The following AGBL1 variants were observed in gnomAD, a reference collection of about 807,000 sequenced individuals.
The protein encoded by AGBL1 is cytosolic carboxypeptidase 4.
Under a neutral mutation model 118.9 loss-of-function variants are expected in AGBL1, and 130 were observed. That is an observed-to-expected ratio of 1.09 (90% CI 0.95 to 1.26). AGBL1 has a LOEUF of 1.26. AGBL1 is among the 50% of genes most tolerant of loss of function. AGBL1 has a pLI of 0.00. For synonymous variants in AGBL1, 555 were observed against 478.9 expected, an observed-to-expected ratio of 1.16 and a Z score of -2.08; for missense variants, 1,584 against 1,298.1, an observed-to-expected ratio of 1.22 and a Z score of -3.38.
chr15:86,116,004 A>C (rs143149396), intron 1 of AGBL1, among the ~76,000 whole-genome samples: 18 of 152,316 alleles, frequency 1.2e-4, no homozygotes, highest in Admixed American at 1.3e-4. Flanking sequence ...CACTTTTCCA[A>C]CTAAAATTCT....
At chr15:86,974,649 A>C (rs968459974) in intron 23 of AGBL1, among the ~76,000 whole-genome samples, 1 of 147,704 alleles carries the variant, frequency 6.8e-6, no homozygotes, top group Non-Finnish European at 1.5e-5. Context: ...TCTGCAAAAA[A>C]AGATGAGAAG....
chr15:86,553,148 A>G (rs1331928345), intron 20 of AGBL1, among the ~76,000 whole-genome samples: 1 of 152,144 alleles, frequency 6.6e-6, no homozygotes. Context: ...AGGCTTCACT[A>G]TTGTCTAATG....
intron 22 of AGBL1, among the ~76,000 whole-genome samples, chr15:86,704,200 A>G (rs1428698077): frequency 6.6e-6 from 1 of 152,220 alleles, no homozygotes; most frequent in East Asian, 1.9e-4. Flanking sequence ...AAGAAAACCT[A>G]GGCAATACCA....
At chr15:86,279,128 G>A (rs2079305807) in intron 15 of AGBL1, among the ~76,000 whole-genome samples, 1 of 152,178 alleles carries the variant, frequency 6.6e-6, no homozygotes, top group Non-Finnish European at 1.5e-5. Flanking sequence ...AATAACATAA[G>A]ATGACATATG....
intron 22 of AGBL1, among the ~76,000 whole-genome samples, chr15:86,796,570 G>T (rs1370171856): frequency 6.6e-6 from 1 of 152,214 alleles, no homozygotes; most frequent in African/African-American, 2.4e-5. Context: ...GAGTTCTACA[G>T]TCATTCTTGC....
chr15:86,393,078 G>A (rs1368892804), intron 17 of AGBL1, among the ~76,000 whole-genome samples: 4 of 152,148 alleles, frequency 2.6e-5, no homozygotes, highest in Non-Finnish European at 5.9e-5. Context: ...GGGGAAGAGA[G>A]GAAAGCCAAC....
intron 24 of AGBL1, among the ~76,000 whole-genome samples, chr15:87,002,954 A>G (rs889871895): frequency 6.6e-6 from 1 of 152,070 alleles, no homozygotes; most frequent in Non-Finnish European, 1.5e-5. Context: ...TCTTTTCCTA[A>G]TTAATACCCT....
In AGBL1 at chr15:86,912,316, T is replaced by A. The variant is rs74027167; in HGVS notation, c.*5022T>A. 0.13 allele frequency: 19,986 copies of A among 152,046 alleles called. 1,740 individuals are homozygous for A. Among genetic ancestry groups the A allele is most frequent in the African/African-American group, 0.25 (10,397 of 41,432 alleles). 9.4% of individuals were successfully genotyped at this position (152,046 alleles called of 1,614,324 possible). On this transcript the variant is annotated 3_prime_UTR_variant, in exon 23 of 23. Coordinates refer to ENST00000614907, the MANE Select transcript of AGBL1 (RefSeq NM_001386094.1). Reference sequence around the variant, plus strand: ...GTTGTGCAAATGCTTAGAGTGGTGATAATGGAGGGGTGGCATCTCCAAGGG... The same window carrying A: ...GTTGTGCAAATGCTTAGAGTGGTGAAAATGGAGGGGTGGCATCTCCAAGGG...
chr15:86,456,646 G>T (rs969897626), intron 18 of AGBL1, among the ~76,000 whole-genome samples: 2 of 152,214 alleles, frequency 1.3e-5, no homozygotes, highest in South Asian at 4.1e-4. Context: ...AAGTTCAGAA[G>T]AGGTCTGATA....
rs1177376683 is a variant in AGBL1, at chr15:86,295,352, T to C, written c.2318T>C (p.Leu773Ser). The change falls in exon 17 of 23, where the codon TTG becomes TCG. Residue 773 changes from leucine to serine, a missense_variant. Coordinates refer to ENST00000614907, the MANE Select transcript of AGBL1 (RefSeq NM_001386094.1). ...CQTLGGNPCP[L>S]VTITAMPESN... The stretch of plus-strand genomic sequence containing the variant: ...ACGCTGGGAGGGAATCCGTGTCCCT[T>C]GGTGACCATCACGGCCATGCCTGAG... 6.2e-7 allele frequency: 1 copy of C among 1,612,238 alleles called. No individual in the cohort carries two copies. Among genetic ancestry groups the C allele is most frequent in the African/African-American group, 1.3e-5 (1 of 74,766 alleles).
chr15:86,251,538 A>G (rs527558955), intron 7 of AGBL1, among the ~76,000 whole-genome samples: 14 of 152,182 alleles, frequency 9.2e-5, no homozygotes, highest in Middle Eastern at 3.2e-3. Flanking sequence ...AATGAGACTG[A>G]CTGTAAAGGA....
At chr15:86,982,219 G>A (rs1481585849) in intron 23 of AGBL1, among the ~76,000 whole-genome samples, 3 of 151,932 alleles carry the variant, frequency 2.0e-5, no homozygotes, top group Non-Finnish European at 4.4e-5. Context: ...CAAATAATAG[G>A]CAGAATGGTT....
chr15:86,114,071 G>A (rs998324421), intron 1 of AGBL1, among the ~76,000 whole-genome samples: 2 of 152,208 alleles, frequency 1.3e-5, no homozygotes, highest in Admixed American at 6.5e-5. Flanking sequence ...GACTATATTT[G>A]TTAATAACTG....
intron 17 of AGBL1, among the ~76,000 whole-genome samples, chr15:86,327,308 A>C (rs2080198623): frequency 6.6e-6 from 1 of 152,196 alleles, no homozygotes; most frequent in Non-Finnish European, 1.5e-5. Flanking sequence ...AGCCCCAGCT[A>C]AGTTCTTATC....
intron 21 of AGBL1, among the ~76,000 whole-genome samples, chr15:86,589,229 A>T (rs930398542): frequency 1.3e-5 from 2 of 152,194 alleles, no homozygotes; most frequent in Non-Finnish European, 2.9e-5. Flanking sequence ...ATTTACTGAT[A>T]ACTCTATAGG....
intron 21 of AGBL1, among the ~76,000 whole-genome samples, chr15:86,658,327 T>A (rs1047935078): frequency 6.6e-6 from 1 of 152,144 alleles, no homozygotes; most frequent in Non-Finnish European, 1.5e-5. Context: ...AATGTAACAA[T>A]GTCTGACACT....
chr15:86,555,886 C>T (rs1022955162), intron 21 of AGBL1, among the ~76,000 whole-genome samples: 6 of 152,050 alleles, frequency 3.9e-5, no homozygotes, highest in African/African-American at 1.4e-4. Flanking sequence ...ACTCCCTTGT[C>T]ATTCAAAACG....
intron 22 of AGBL1, among the ~76,000 whole-genome samples, chr15:86,811,776 G>T (rs2078793758): frequency 2.0e-5 from 3 of 152,308 alleles, no homozygotes; most frequent in Middle Eastern, 3.4e-3. Flanking sequence ...TGTTATGAGT[G>T]AGTCTTCTTA....
intron 24 of AGBL1, among the ~76,000 whole-genome samples, chr15:87,015,900 T>C (rs2081604408): frequency 6.6e-6 from 1 of 152,132 alleles, no homozygotes; most frequent in Non-Finnish European, 1.5e-5. Flanking sequence ...TGATGTTAAA[T>C]TTGCCAACTG....
Sources: allele counts gnomAD v4.1 joint callset (sites outside exome capture counted in the v4.1 genomes callset), GRCh38; gene constraint gnomAD v4.1.1; transcripts MANE v1.5; gene names NCBI Gene and HGNC (gene_info 2026-07-23, HGNC 2026-07-21).